The following PSPC1 variants were observed in gnomAD, a reference collection of about 807,000 sequenced individuals.
The protein encoded by PSPC1 is paraspeckle component 1, also known as paraspeckle protein 1.
In PSPC1, 14 loss-of-function variants were observed where a neutral mutation model predicts 51.6. That is an observed-to-expected ratio of 0.27 (90% CI 0.18 to 0.42). PSPC1 has a LOEUF of 0.42. Among genes scored for constraint, PSPC1 ranks in the 10% least tolerant of loss-of-function variants. The probability of loss-of-function intolerance (pLI) is 1.00; values close to 1 mark genes in which losing one functional copy is unlikely to be tolerated. For missense variants in PSPC1, 406 were observed against 701.1 expected, an observed-to-expected ratio of 0.58 and a Z score of 4.75; for synonymous variants, 193 against 231.9, an observed-to-expected ratio of 0.83 and a Z score of 1.53.
At chr13:19,766,867 A>AG (rs1566046541) in intron 2 of PSPC1, among the ~76,000 whole-genome samples, 1 of 151,072 alleles carries the variant, frequency 6.6e-6, no homozygotes, top group Non-Finnish European at 1.5e-5. Flanking sequence ...GGAAAAAAAA[A>AG]GAAAAAAAAA....
chr13:19,703,964 T>C lies in PSPC1; in HGVS notation c.1387-604A>G, dbSNP rs9315098. ...GTAATAACATGCACTAATAAGCACA[T>C]TTAAACATCTGAATTAAGTATTTTG... is the stretch of plus-strand genomic sequence containing the variant. On this transcript the variant is annotated intron_variant, in intron 8 of 8. Transcript: ENST00000338910. 4.7e-3 allele frequency among the ~76,000 whole-genome samples: 709 copies of C among 152,012 alleles called. 6 individuals carry two copies. Among genetic ancestry groups the C allele is most frequent in the South Asian group, 0.027 (128 of 4,814 alleles).
intron 6 of PSPC1, among the ~76,000 whole-genome samples, chr13:19,714,071 T>C (rs1881788339): frequency 6.6e-6 from 1 of 152,200 alleles, no homozygotes; most frequent in Admixed American, 6.5e-5. Context: ...TATGAATACC[T>C]GGAGGAAGCA....
At chr13:19,700,921 G>A (rs17077290), downstream of PSPC1, among the ~76,000 whole-genome samples, 6,175 of 152,082 alleles carry the variant, frequency 0.041, 93 homozygotes, top group South Asian at 0.095. Flanking sequence ...AAAAAAAATT[G>A]ACTGAACCAG....
chr13:19,766,626 T>C (rs979505616), intron 2 of PSPC1, among the ~76,000 whole-genome samples: 2 of 151,646 alleles, frequency 1.3e-5, no homozygotes, highest in African/African-American at 2.4e-5. Flanking sequence ...GCTGAGGGCA[T>C]AGTGACCTAT....
At chr13:19,747,155 GCA>G (rs1886080929) in intron 4 of PSPC1, among the ~76,000 whole-genome samples, 1 of 152,036 alleles carries the variant, frequency 6.6e-6, no homozygotes, top group Non-Finnish European at 1.5e-5. Flanking sequence ...TCTGATACAT[GCA>G]TATATATTCT....
In PSPC1 at chr13:19,741,605, T is replaced by G; in HGVS notation, c.1012A>C (p.Arg338=). ...TTCCGTTTTTGCAACTCTTGGTTTC[T>G]GAGTTCTTCCAAGCGTCTGAGTTCT... ...QEELRRLEEL[R]NQELQKRKQI... The change falls in exon 5 of 9, where the codon AGA becomes CGA. Residue 338 remains arginine (R), a synonymous_variant. Transcript: ENST00000338910. 6.2e-7 allele frequency: 1 copy of G among 1,606,932 alleles called. No homozygotes were observed. Among genetic ancestry groups the G allele is most frequent in the South Asian group, 1.1e-5 (1 of 89,958 alleles).
intron 2 of PSPC1, among the ~76,000 whole-genome samples, chr13:19,762,082 TAA>T (rs1887648846): frequency 1.3e-5 from 2 of 152,240 alleles, no homozygotes; most frequent in South Asian, 4.1e-4. Flanking sequence ...TAACAAATTG[TAA>T]ACTTTTCACA....
At chr13:19,777,780 T>C (rs1029944516) in intron 1 of PSPC1, among the ~76,000 whole-genome samples, 1 of 152,006 alleles carries the variant, frequency 6.6e-6, no homozygotes, top group African/African-American at 2.4e-5. Flanking sequence ...ACCCCATCTC[T>C]ACTAAAAATA....
chr13:19,744,538 T>C (rs1249870893), intron 4 of PSPC1, among the ~76,000 whole-genome samples: 1 of 152,154 alleles, frequency 6.6e-6, no homozygotes, highest in Non-Finnish European at 1.5e-5. Context: ...CTGTAAAAAG[T>C]ACATAACTAG....
downstream of PSPC1, chr13:19,673,167 G>T: frequency 2.2e-6 from 1 of 452,522 alleles, no homozygotes; most frequent in Non-Finnish European, 4.4e-6. Flanking sequence ...TGGGGCTTAG[G>T]TAACAGCCAA....
In PSPC1 at chr13:19,707,887, GATTAT is replaced by G. The variant is rs776242498; in HGVS notation, c.1216+1650_1216+1654del. 1.4e-4 allele frequency among the ~76,000 whole-genome samples: 22 copies of G among 151,946 alleles called. No homozygotes were observed. In the Middle Eastern group the frequency reaches 0.01, roughly 70 times the overall value. On this transcript the variant is annotated intron_variant, in intron 7 of 8. Coordinates refer to ENST00000338910, the MANE Select transcript of PSPC1 (RefSeq NM_001354909.2). Reference sequence around the variant, plus strand: ...TTCCTAAAATCCTTAAAATTACATGGATTATATTAAATAGCACCCCAGCATTTACT... The same window carrying G: ...TTCCTAAAATCCTTAAAATTACATGGATTAAATAGCACCCCAGCATTTACT...
chr13:19,688,875 CTTA>C (rs1221212036), intron 6 of PSPC1, among the ~76,000 whole-genome samples: 1 of 151,380 alleles, frequency 6.6e-6, no homozygotes, highest in African/African-American at 2.4e-5. Flanking sequence ...ACAGTGTTCG[CTTA>C]TTAGTTTATA....
At chr13:19,737,835 A>G (rs1468860866) in intron 5 of PSPC1, among the ~76,000 whole-genome samples, 1 of 152,186 alleles carries the variant, frequency 6.6e-6, no homozygotes, top group Non-Finnish European at 1.5e-5. Flanking sequence ...CTGTAATATC[A>G]GCGCTTTCGG....
chr13:19,701,386 C>G (rs1879886893), downstream of PSPC1, among the ~76,000 whole-genome samples: 1 of 151,098 alleles, frequency 6.6e-6, no homozygotes, highest in African/African-American at 2.4e-5. Flanking sequence ...AATGTTAAAA[C>G]TCCCCATACC....
At chr13:19,722,266 G>A (rs1011233736) in intron 6 of PSPC1, among the ~76,000 whole-genome samples, 1 of 151,944 alleles carries the variant, frequency 6.6e-6, no homozygotes, top group Non-Finnish European at 1.5e-5. Context: ...GGAGGCAGAG[G>A]CAGGAGGATT....
chr13:19,695,072 T>C (rs1002353821), intron 6 of PSPC1, among the ~76,000 whole-genome samples: 1 of 152,216 alleles, frequency 6.6e-6, no homozygotes, highest in Admixed American at 6.5e-5. Context: ...TTTCAAGCAC[T>C]GCTAAATTAT....
At chr13:19,674,276 C>CTGAT (rs535525852), downstream of PSPC1, among the ~76,000 whole-genome samples, 1 of 152,044 alleles carries the variant, frequency 6.6e-6, no homozygotes, top group East Asian at 1.9e-4. Context: ...AATAGGGATT[C>CTGAT]TGATAATGTT....
rs759946269 is a variant in PSPC1 at position 19,730,322 on chromosome 13, G to A, written c.1075C>T (p.Arg359Cys). 5 of 1,613,378 alleles carry A rather than the reference G, an allele frequency of 3.1e-6. No individual in the cohort carries two copies. Among genetic ancestry groups the A allele is most frequent in the East Asian group, 2.2e-5 (1 of 44,858 alleles). Residue 359 changes from arginine (R) to cysteine (C), a missense_variant, in exon 6 of 9, where the codon CGT (arginine) becomes TGT (cysteine). Physicochemically the swap from Arg to Cys is radical, Grantham distance 180. Transcript: ENST00000338910. ...QLRHEEEHRR[R>C]EEEMIRHREQ... ...CTGTGTCGGATCATTTCTTCCTCACGCCGCCGATGCTCCTCTTCATGTCTG... is the reference window on the plus strand; with the variant it reads ...CTGTGTCGGATCATTTCTTCCTCACACCGCCGATGCTCCTCTTCATGTCTG...
chr13:19,726,965 A>G (rs994565977), intron 6 of PSPC1, among the ~76,000 whole-genome samples: 2 of 152,200 alleles, frequency 1.3e-5, no homozygotes, highest in African/African-American at 4.8e-5. Context: ...ATTCCCAACT[A>G]CTCAAATGGG....
Sources: gnomAD v4.1 joint callset for allele counts (sites outside exome capture counted in the v4.1 genomes callset) on GRCh38, gnomAD v4.1.1 for gene constraint, MANE v1.5 for transcripts, NCBI Gene and HGNC (gene_info 2026-07-23, HGNC 2026-07-21) for gene names.